ABCB1: variants seen among roughly 807,000 people sequenced by gnomAD.
ABCB1 encodes the protein ATP binding cassette subfamily B member 1.
ABCB1 carries 69 observed loss-of-function variants against 142.0 expected under a neutral mutation model. The observed-to-expected ratio is 0.49, with a 90% CI of 0.40 to 0.59. The LOEUF (loss-of-function observed/expected upper bound fraction) is 0.59, where lower values mean the gene tolerates loss of function less well. Among genes scored for constraint, ABCB1 ranks in the 20% least tolerant of loss-of-function variants. The pLI is 0.00. For synonymous variants in ABCB1, 532 were observed against 539.2 expected (o/e 0.99, Z 0.18); for missense variants, 1,326 against 1,554.7 (o/e 0.85, Z 2.47).
intron 1 of ABCB1, among the ~76,000 whole-genome samples, chr7:87,705,877 G>T (rs896693547): frequency 2.0e-4 from 30 of 152,062 alleles, no homozygotes; most frequent in African/African-American, 6.5e-4. Flanking sequence ...GGGTTTTCAT[G>T]ATATTCCAAC....
chr7:87,621,078 T>C (rs1820204649), intron 1 of ABCB1, among the ~76,000 whole-genome samples: 1 of 152,130 alleles, frequency 6.6e-6, no homozygotes. Context: ...AGATGTTAAT[T>C]TTACCTAATC....
At chr7:87,694,746 T>A (rs776283450) in intron 1 of ABCB1, among the ~76,000 whole-genome samples, 2 of 152,198 alleles carry the variant, frequency 1.3e-5, no homozygotes, top group Non-Finnish European at 1.5e-5. Flanking sequence ...ATGTTAATAA[T>A]GCTGGTGGAA....
At chr7:87,685,540 T>C (rs889738902) in intron 1 of ABCB1, among the ~76,000 whole-genome samples, 1 of 152,284 alleles carries the variant, frequency 6.6e-6, no homozygotes, top group South Asian at 2.1e-4. Context: ...ACAACATGTA[T>C]AAATGTCAGA....
chr7:87,645,692 T>C (rs935399315), intron 1 of ABCB1, among the ~76,000 whole-genome samples: 1 of 152,214 alleles, frequency 6.6e-6, no homozygotes, highest in Non-Finnish European at 1.5e-5. Flanking sequence ...TTCTTAGATA[T>C]ATTAAAATTC....
chr7:87,648,231 C>G (rs1257065017), intron 1 of ABCB1, among the ~76,000 whole-genome samples: 3 of 150,586 alleles, frequency 2.0e-5, no homozygotes, highest in Non-Finnish European at 4.4e-5. Context: ...TGATAATGCT[C>G]AAAGTGAGAT....
chr7:87,643,232 T>A (rs952242975), intron 1 of ABCB1, among the ~76,000 whole-genome samples: 1 of 152,212 alleles, frequency 6.6e-6, no homozygotes, highest in Non-Finnish European at 1.5e-5. Flanking sequence ...ATTTTTAAGT[T>A]GATTTTTACA....
chr7:87,517,443 G>C (rs1402306385), intron 23 of ABCB1, among the ~76,000 whole-genome samples: 1 of 152,104 alleles, frequency 6.6e-6, no homozygotes, highest in Non-Finnish European at 1.5e-5. Context: ...ACATGGAGGA[G>C]AGCTGTCTGA....
rs1815523277 is a variant in ABCB1, at chr7:87,521,844, T to C, written c.2686-968A>G. The C allele has an allele frequency of 5.2e-6, 4 of 772,288 alleles. No individual in the cohort carries two copies. In the Admixed American group the frequency reaches 6.8e-5, roughly 13 times the overall value. 47.8% of individuals were successfully genotyped at this position (772,288 alleles called of 1,614,324 possible). A position where few individuals can be genotyped will look rare whatever the true frequency, so the allele number is the denominator to read the frequency against. Reference sequence around the variant, plus strand: ...ACCTAGGAGATTATTTTGAATAGTATGGAAAAATTGAAGTGATTGAAATCA... The same window carrying C: ...ACCTAGGAGATTATTTTGAATAGTACGGAAAAATTGAAGTGATTGAAATCA... On this transcript the variant is annotated intron_variant, in intron 21 of 27. Transcript: ENST00000622132.
At chr7:87,585,747 C>G in intron 3 of ABCB1, 67 bp from the exon 4 acceptor site, 1 of 1,541,908 alleles carries the variant, frequency 6.5e-7, no homozygotes, top group South Asian at 1.2e-5. Context: ...TTTGCTTTTC[C>G]TTCAAAATAT....
chr7:87,598,278 T>C (rs982687634), intron 2 of ABCB1, among the ~76,000 whole-genome samples: 1 of 152,216 alleles, frequency 6.6e-6, no homozygotes, highest in Admixed American at 6.5e-5. Context: ...GTGGCTCACA[T>C]GATATATCCA....
chr7:87,588,118 A>G (rs1185590941), intron 3 of ABCB1, among the ~76,000 whole-genome samples: 5 of 151,892 alleles, frequency 3.3e-5, no homozygotes, highest in Non-Finnish European at 7.4e-5. Flanking sequence ...GAATAAAGAC[A>G]GAAAATTGAA....
chr7:87,626,222 A>G (rs11440099), intron 1 of ABCB1, among the ~76,000 whole-genome samples: 619 of 11,468 alleles, frequency 0.054, 3 homozygotes, highest in South Asian at 0.2. Flanking sequence ...TGTCATATAT[A>G]TGTCATATAT....
chr7:87,686,149 A>C (rs1422088108), intron 1 of ABCB1, among the ~76,000 whole-genome samples: 1 of 152,100 alleles, frequency 6.6e-6, no homozygotes, highest in East Asian at 1.9e-4. Context: ...CCCTCCACCC[A>C]CAATTTTTTT....
chr7:87,697,581 G>A (rs770627166), intron 1 of ABCB1, among the ~76,000 whole-genome samples: 3 of 152,186 alleles, frequency 2.0e-5, no homozygotes, highest in Non-Finnish European at 4.4e-5. Flanking sequence ...ATTTAACTTT[G>A]CATCTCATTC....
intron 4 of ABCB1, among the ~76,000 whole-genome samples, chr7:87,578,489 T>C (rs900544731): frequency 6.6e-6 from 1 of 152,220 alleles, no homozygotes; most frequent in Non-Finnish European, 1.5e-5. Flanking sequence ...GCACTGTCTG[T>C]AGATTGCTTT....
intron 18 of ABCB1, among the ~76,000 whole-genome samples, chr7:87,540,196 A>T (rs1340952708): frequency 6.6e-6 from 1 of 152,214 alleles, no homozygotes; most frequent in Non-Finnish European, 1.5e-5. Context: ...ATCTTTAAAA[A>T]TTACAGGTGG....
chr7:87,544,731 C>T (rs866890307), intron 16 of ABCB1, 92 bp downstream of exon 16: 1 of 1,287,516 alleles, frequency 7.8e-7, no homozygotes, highest in Non-Finnish European at 1.1e-6. Context: ...TGGATAACCT[C>T]TCTTGTTCCC....
At chr7:87,683,173 A>G (rs1827099684) in intron 1 of ABCB1, among the ~76,000 whole-genome samples, 1 of 152,168 alleles carries the variant, frequency 6.6e-6, no homozygotes, top group African/African-American at 2.4e-5. Context: ...TCATAGCATT[A>G]AAGAGAGGAC....
intron 21 of ABCB1, chr7:87,521,964 A>G (rs1299835323): frequency 1.2e-5 from 10 of 803,920 alleles, no homozygotes; most frequent in Non-Finnish European, 2.2e-5. Context: ...AGAAATACCC[A>G]TACTGTGAAT....
Sources: allele counts gnomAD v4.1 joint callset (sites outside exome capture counted in the v4.1 genomes callset), GRCh38; gene constraint gnomAD v4.1.1; transcripts MANE v1.5; gene names NCBI Gene and HGNC (gene_info 2026-07-23, HGNC 2026-07-21).